RASA2: variants seen among roughly 807,000 people sequenced by gnomAD.
RASA2 encodes ras GTPase-activating protein 2.
In RASA2, 155 loss-of-function variants were observed where a neutral mutation model predicts 118.2. The observed-to-expected ratio is 1.31, with a 90% CI of 1.15 to 1.50. The LOEUF (loss-of-function observed/expected upper bound fraction) is 1.50. RASA2 is among the 40% of genes most tolerant of loss of function. The pLI is 0.00. For missense variants in RASA2, 1,016 were observed against 1,009.6 expected (o/e 1.01, Z -0.09); for synonymous variants, 353 against 349.1 (o/e 1.01, Z -0.12).
intron 19 of RASA2, 55 bp downstream of exon 19, chr3:141,586,807 C>A (rs2083211244): frequency 7.2e-7 from 1 of 1,398,042 alleles, no homozygotes; most frequent in Non-Finnish European, 1.0e-6. Flanking sequence ...GTGAAGGTTT[C>A]TTTGCCGCTT....
chr3:141,501,769 C>A (rs2081784779), intron 1 of RASA2, among the ~76,000 whole-genome samples: 1 of 152,022 alleles, frequency 6.6e-6, no homozygotes. Flanking sequence ...ATTAGATTGG[C>A]ACAACAGCAT....
At chr3:141,594,051 A>G (rs139432174) in intron 19 of RASA2, among the ~76,000 whole-genome samples, 1 of 152,220 alleles carries the variant, frequency 6.6e-6, no homozygotes, top group Non-Finnish European at 1.5e-5. Context: ...TCAAGGACTT[A>G]GTGGAAAAGT....
rs571711532 is a variant in RASA2, at chr3:141,599,413, G to T, written c.1934-8265G>T. Reference sequence around the variant, plus strand: ...CTAGACAAACAGGACACCCTCTCACGTGCACAGATCTGCATAGAAAAGTAC... The same window carrying T: ...CTAGACAAACAGGACACCCTCTCACTTGCACAGATCTGCATAGAAAAGTAC... On this transcript the variant is annotated intron_variant, in intron 19 of 23. Coordinates refer to ENST00000286364, the MANE Select transcript of RASA2 (RefSeq NM_006506.5). 7.9e-5 allele frequency among the ~76,000 whole-genome samples: 12 copies of T among 152,134 alleles called. No homozygotes were observed. In the South Asian group the frequency reaches 2.3e-3, roughly 29 times the overall value.
At chr3:141,535,993 A>C (rs9849180) in intron 4 of RASA2, among the ~76,000 whole-genome samples, 1 of 152,114 alleles carries the variant, frequency 6.6e-6, no homozygotes, top group Non-Finnish European at 1.5e-5. Flanking sequence ...TACCAAGAAT[A>C]TATGTAATAC....
In RASA2 at chr3:141,614,909, T is replaced by G. The variant is rs2083706119; in HGVS notation, c.*2596T>G. 6.6e-6 allele frequency: 1 copy of G among 152,210 alleles called. No homozygotes were observed. The highest frequency in any genetic ancestry group is 1.5e-5 in the Non-Finnish European group (1 of 68,036). The allele number at this position is 152,210 out of a possible 1,614,324, so 9.4% of individuals were successfully genotyped here. ...AAGGTGACGAATAATATGGCTTTTG[T>G]TTCTGTTTCTGAAGCCTGATTTCAT... is the stretch of plus-strand genomic sequence containing the variant. On this transcript the variant is annotated 3_prime_UTR_variant, in exon 24 of 24. Transcript: ENST00000286364.
At chr3:141,591,363 T>C (rs1180947856) in intron 19 of RASA2, among the ~76,000 whole-genome samples, 4 of 152,224 alleles carry the variant, frequency 2.6e-5, no homozygotes, top group African/African-American at 4.8e-5. Context: ...ATGGAAGCCA[T>C]TGTAAGCCTC....
intron 1 of RASA2, among the ~76,000 whole-genome samples, chr3:141,507,262 G>A (rs144746209): frequency 5.9e-5 from 9 of 152,304 alleles, no homozygotes; most frequent in Middle Eastern, 3.4e-3. Context: ...CTCAAAGTGG[G>A]ATTTTCTAAT....
intron 14 of RASA2, among the ~76,000 whole-genome samples, chr3:141,575,146 A>G (rs902578919): frequency 1.3e-5 from 2 of 152,204 alleles, no homozygotes; most frequent in Admixed American, 6.5e-5. Context: ...ACCAGTCTTA[A>G]CCAGCTGTGC....
chr3:141,533,131 A>C (rs1207005274), intron 4 of RASA2, among the ~76,000 whole-genome samples: 2 of 152,148 alleles, frequency 1.3e-5, no homozygotes, highest in African/African-American at 4.8e-5. Flanking sequence ...TTTTGAGTCC[A>C]TGTGACCATA....
intron 5 of RASA2, among the ~76,000 whole-genome samples, chr3:141,551,215 C>G (rs1473599082): frequency 6.6e-6 from 1 of 152,172 alleles, no homozygotes; most frequent in East Asian, 1.9e-4. Context: ...GGTTAAGTTA[C>G]TTAGAAACAG....
chr3:141,586,998 AAATCCATAGT>A (rs2083215060), intron 19 of RASA2: 1 of 493,948 alleles, frequency 2.0e-6, no homozygotes, highest in Non-Finnish European at 3.7e-6. Flanking sequence ...TGTTTTCTAA[AAATCCATAGT>A]AATCCATACT....
intron 19 of RASA2, among the ~76,000 whole-genome samples, chr3:141,595,385 A>C (rs1203145412): frequency 6.6e-6 from 1 of 152,218 alleles, no homozygotes; most frequent in Non-Finnish European, 1.5e-5. Flanking sequence ...TTATAAAAGC[A>C]CAGATAGGTT....
chr3:141,612,501 G>T lies in RASA2; in HGVS notation c.*188G>T. 2.0e-6 allele frequency: 1 copy of T among 507,254 alleles called. No individual in the cohort carries two copies. The highest frequency in any genetic ancestry group is 3.5e-6 in the Non-Finnish European group (1 of 289,168). The allele number at this position is 507,254 out of a possible 1,614,324, so 31.4% of individuals were successfully genotyped here. A position where few individuals can be genotyped will look rare whatever the true frequency, so the allele number is the denominator to read the frequency against. On this transcript the variant is annotated 3_prime_UTR_variant, in exon 24 of 24. Transcript: ENST00000286364. ...GAATCCTGGTATTGATGTATTACTAGAGAATTTAAAGCCCAAGATTCCCTT... is the reference window on the plus strand; with the variant it reads ...GAATCCTGGTATTGATGTATTACTATAGAATTTAAAGCCCAAGATTCCCTT...
intron 7 of RASA2, among the ~76,000 whole-genome samples, chr3:141,557,258 T>C (rs984712278): frequency 6.6e-6 from 1 of 152,192 alleles, no homozygotes; most frequent in Non-Finnish European, 1.5e-5. Context: ...CTCTGTCCTT[T>C]AACTGAAGCA....
At chr3:141,523,546 G>T (rs2082143451) in intron 3 of RASA2, among the ~76,000 whole-genome samples, 1 of 152,116 alleles carries the variant, frequency 6.6e-6, no homozygotes, top group South Asian at 2.1e-4. Context: ...GAGAGAAAAA[G>T]AAAAACTTTA....
chr3:141,572,195 G>A (rs1429815991), intron 11 of RASA2, among the ~76,000 whole-genome samples: 4 of 151,712 alleles, frequency 2.6e-5, no homozygotes, highest in African/African-American at 4.8e-5. Flanking sequence ...AGGTTCAAGC[G>A]ATTCTCATGC....
intron 4 of RASA2, among the ~76,000 whole-genome samples, chr3:141,539,669 G>A (rs980189022): frequency 6.6e-6 from 1 of 152,296 alleles, no homozygotes; most frequent in Non-Finnish European, 1.5e-5. Flanking sequence ...GCTGGAGGGA[G>A]GTAATCCAGT....
intron 4 of RASA2, 96 bp from the exon 5 acceptor site, chr3:141,540,437 A>G: frequency 1.1e-6 from 1 of 908,688 alleles, no homozygotes; most frequent in Non-Finnish European, 1.7e-6. Context: ...GCTAGTGGTC[A>G]GTGGATAAAT....
chr3:141,552,231 A>G (rs771913147), intron 5 of RASA2, among the ~76,000 whole-genome samples: 2 of 152,108 alleles, frequency 1.3e-5, no homozygotes, highest in Non-Finnish European at 2.9e-5. Flanking sequence ...ATACCTCATA[A>G]AATAGAAAAT....
Sources: allele counts gnomAD v4.1 joint callset (sites outside exome capture counted in the v4.1 genomes callset), GRCh38; gene constraint gnomAD v4.1.1; transcripts MANE v1.5; gene names NCBI Gene and HGNC (gene_info 2026-07-23, HGNC 2026-07-21).